The following SYN3 variants were observed in gnomAD, a reference collection of about 807,000 sequenced individuals.
The protein encoded by SYN3 is synapsin III.
Under a neutral mutation model 65.8 loss-of-function variants are expected in SYN3, and 35 were observed. That is an observed-to-expected ratio of 0.53 (90% CI 0.41 to 0.70). The LOEUF (loss-of-function observed/expected upper bound fraction) is 0.70. SYN3 is among the 30% of genes least tolerant of loss of function. The pLI is 0.00. For synonymous variants in SYN3, 270 were observed against 292.9 expected (o/e 0.92, Z 0.80); for missense variants, 680 against 749.0 (o/e 0.91, Z 1.08).
intron 1 of SYN3, among the ~76,000 whole-genome samples, chr22:33,047,311 T>A (rs555710195): frequency 3.9e-5 from 6 of 152,300 alleles, no homozygotes; most frequent in Non-Finnish European, 5.9e-5. Context: ...TAAAACTCCA[T>A]AATATTTGTT....
rs557631242 is a variant in SYN3, at chr22:32,613,268, A to T, written c.712-16532T>A. ...GTTCTTTATAACAATGTGAGAATGA[A>T]TTAATATAATACAGTAAATAAATAA... On this transcript the variant is annotated intron_variant, in intron 6 of 13. Coordinates refer to ENST00000358763, the MANE Select transcript of SYN3 (RefSeq NM_003490.4). Among the ~76,000 whole-genome samples, 181 of 152,154 alleles carry T rather than the reference A, an allele frequency of 1.2e-3. 1 individual carries two copies. Among genetic ancestry groups the T allele is most frequent in the African/African-American group, 4.2e-3 (176 of 41,546 alleles).
At position 32,961,732 on chromosome 22, in the gene SYN3, C is replaced by T. The variant is rs555259578; in HGVS notation, c.369+18913G>A. 2.6e-5 allele frequency among the ~76,000 whole-genome samples: 4 copies of T among 152,356 alleles called. No homozygotes were observed. The South Asian group carries it at 8.3e-4, about 32-fold the overall frequency. ...GGAAGGCATTGCCTTCATTGAACAG[C>T]GGAGGGCCGGGGGTTGCACATGCTC... On this transcript the variant is annotated intron_variant, in intron 3 of 13. Coordinates refer to ENST00000358763, the MANE Select transcript of SYN3 (RefSeq NM_003490.4).
At chr22:32,616,062 T>C (rs1016956221) in intron 6 of SYN3, among the ~76,000 whole-genome samples, 2 of 152,060 alleles carry the variant, frequency 1.3e-5, no homozygotes, top group African/African-American at 2.4e-5. Context: ...ATGCCAGGAG[T>C]TCCCTGCAAG....
At chr22:32,961,846 C>T (rs16991613) in intron 3 of SYN3, among the ~76,000 whole-genome samples, 6,066 of 152,272 alleles carry the variant, frequency 0.04, 387 homozygotes, top group African/African-American at 0.14. Context: ...AAATTCTCAA[C>T]GTGTGCTGGA....
intron 12 of SYN3, among the ~76,000 whole-genome samples, chr22:32,519,895 ACT>A (rs1441651252): frequency 2.6e-5 from 4 of 151,922 alleles, no homozygotes; most frequent in African/African-American, 9.7e-5. Context: ...CATCTCTGTG[ACT>A]CTGTAACAAT....
At chr22:32,740,445 T>G (rs2061390016) in intron 6 of SYN3, among the ~76,000 whole-genome samples, 1 of 152,086 alleles carries the variant, frequency 6.6e-6, no homozygotes, top group Admixed American at 6.5e-5. Context: ...AGAGTTTTGA[T>G]CAGAATCTTA....
At chr22:32,748,717 T>G (rs2045016515) in intron 6 of SYN3, among the ~76,000 whole-genome samples, 1 of 152,114 alleles carries the variant, frequency 6.6e-6, no homozygotes, top group Non-Finnish European at 1.5e-5. Context: ...TGGACTCAGG[T>G]CTTATCCTCG....
At position 32,586,057 on chromosome 22, in the gene SYN3, T is replaced by C. The variant is rs1159844976; in HGVS notation, c.774+10617A>G. 2.7e-3 allele frequency among the ~76,000 whole-genome samples: 371 copies of C among 136,694 alleles called. 19 individuals carry two copies. Among genetic ancestry groups the C allele is most frequent in the African/African-American group, 9.1e-3 (347 of 38,280 alleles). 89.7% of individuals were successfully genotyped at this position (136,694 alleles called of 152,430 possible). On this transcript the variant is annotated intron_variant, in intron 7 of 13. Transcript: ENST00000358763. ...ATATATGTATATGTATATATGTGTATATGTATATATGTATACATGTATACA... is the reference window on the plus strand; with the variant it reads ...ATATATGTATATGTATATATGTGTACATGTATATATGTATACATGTATACA...
intron 3 of SYN3, among the ~76,000 whole-genome samples, chr22:32,947,803 A>C (rs1356225090): frequency 3.3e-5 from 5 of 152,194 alleles, no homozygotes; most frequent in African/African-American, 9.7e-5. Context: ...ACACAAACTT[A>C]TTATCTCACT....
intron 6 of SYN3, among the ~76,000 whole-genome samples, chr22:32,633,854 G>T (rs2146833816): frequency 6.6e-6 from 1 of 151,812 alleles, no homozygotes; most frequent in Non-Finnish European, 1.5e-5. Flanking sequence ...TGAACTCCTG[G>T]GCTCAAGCAA....
intron 1 of SYN3, among the ~76,000 whole-genome samples, chr22:33,030,868 T>C (rs1333874273): frequency 6.7e-6 from 1 of 148,794 alleles, no homozygotes; most frequent in Non-Finnish European, 1.5e-5. Context: ...CAGAGATACA[T>C]AGAGACAAAT....
intron 6 of SYN3, among the ~76,000 whole-genome samples, chr22:32,828,045 G>C (rs78968122): frequency 0.03 from 4,613 of 152,268 alleles, 253 homozygotes; most frequent in African/African-American, 0.11. Flanking sequence ...TGTTTGGCCT[G>C]ATTCCTCCTC....
intron 6 of SYN3, among the ~76,000 whole-genome samples, chr22:32,777,265 C>T (rs1252503094): frequency 6.6e-6 from 1 of 152,168 alleles, no homozygotes; most frequent in Non-Finnish European, 1.5e-5. Flanking sequence ...TCGGTATTCC[C>T]AGCTCCCCAT....
At chr22:33,022,646 G>A (rs1399723890) in intron 1 of SYN3, among the ~76,000 whole-genome samples, 3 of 152,196 alleles carry the variant, frequency 2.0e-5, no homozygotes, top group Non-Finnish European at 4.4e-5. Flanking sequence ...TTGTAGGTGA[G>A]TGAGCACAAA....
At chr22:32,989,762 G>A (rs113970210) in intron 2 of SYN3, among the ~76,000 whole-genome samples, 1,691 of 150,830 alleles carry the variant, frequency 0.011, 41 homozygotes, top group African/African-American at 0.039. Flanking sequence ...ATGAACCCAG[G>A]AGGCGGAGGT....
rs534648337 is a variant in SYN3, at chr22:32,730,328, G to A, written c.712-133592C>T. 5.3e-5 allele frequency among the ~76,000 whole-genome samples: 8 copies of A among 152,248 alleles called. No individual in the cohort carries two copies. In the South Asian group the frequency reaches 6.2e-4, roughly 12 times the overall value. ...TGCTTTAATTGGTTCCCATCACTTCGACACTCGGCTTACTGAGCAGCCACC... is the reference window on the plus strand; with the variant it reads ...TGCTTTAATTGGTTCCCATCACTTCAACACTCGGCTTACTGAGCAGCCACC... On this transcript the variant is annotated intron_variant, in intron 6 of 13. Coordinates refer to ENST00000358763, the MANE Select transcript of SYN3 (RefSeq NM_003490.4).
At chr22:32,822,015 C>T (rs974088114) in intron 6 of SYN3, among the ~76,000 whole-genome samples, 4 of 152,078 alleles carry the variant, frequency 2.6e-5, no homozygotes, top group African/African-American at 4.8e-5. Flanking sequence ...ATTAGCCGGG[C>T]GTGGTGGCGC....
chr22:33,039,648 C>G (rs140509379), intron 1 of SYN3, among the ~76,000 whole-genome samples: 1 of 152,038 alleles, frequency 6.6e-6, no homozygotes. Flanking sequence ...TCATGTGATC[C>G]GCCCACCTTG....
chr22:32,928,613 C>T (rs1412242547), intron 4 of SYN3, among the ~76,000 whole-genome samples: 1 of 152,016 alleles, frequency 6.6e-6, no homozygotes, highest in Non-Finnish European at 1.5e-5. Context: ...TTTCCTCTGG[C>T]TTTTTCTTTC....
Sources: allele counts gnomAD v4.1 joint callset (sites outside exome capture counted in the v4.1 genomes callset), GRCh38; gene constraint gnomAD v4.1.1; transcripts MANE v1.5; gene names NCBI Gene and HGNC (gene_info 2026-07-23, HGNC 2026-07-21).